Variants in ZNF763 observed in about 807,000 individuals in gnomAD.
The protein encoded by ZNF763 is zinc finger protein 763, also known as DNA-binding protein.
Under a neutral mutation model 38.0 loss-of-function variants are expected in ZNF763, and 33 were observed. The ratio of observed to expected loss-of-function variants is 0.87; its 90% CI spans 0.66 to 1.16. ZNF763 has a LOEUF of 1.16. Among genes scored for constraint, ZNF763 ranks in the 50% most tolerant of loss-of-function variants. The pLI is 0.00. For missense variants in ZNF763, 423 were observed against 469.1 expected (o/e 0.90, Z 0.91); for synonymous variants, 155 against 160.1 (o/e 0.97, Z 0.24).
intron 1 of ZNF763, among the ~76,000 whole-genome samples, chr19:11,970,192 A>G (rs1973322422): frequency 1.3e-5 from 2 of 152,234 alleles, no homozygotes; most frequent in Admixed American, 1.3e-4. Flanking sequence ...TAATGAGGAA[A>G]AACAGAGATG....
chr19:11,979,560 G>A lies in ZNF763; in HGVS notation c.*451G>A. The A allele has an allele frequency of 6.2e-7, 1 of 1,603,838 alleles. No homozygotes were observed. The highest frequency in any genetic ancestry group is 1.7e-4 in the Middle Eastern group (1 of 6,018). On this transcript the variant is annotated 3_prime_UTR_variant, in exon 4 of 4. Transcript: ENST00000358987. Reference sequence around the variant, plus strand: ...AAACCCTATGAATGCAAGCAATGTGGTAAAGCCTTCAGTAGTTCCAGTTCC... The same window carrying A: ...AAACCCTATGAATGCAAGCAATGTGATAAAGCCTTCAGTAGTTCCAGTTCC...
At chr19:11,967,604 C>T (rs1048549194) in intron 1 of ZNF763, among the ~76,000 whole-genome samples, 41 of 152,068 alleles carry the variant, frequency 2.7e-4, no homozygotes, top group African/African-American at 7.5e-4. Context: ...GGGGTTTCAC[C>T]GTGTTAGCCA....
At position 11,970,964 on chromosome 19, in the gene ZNF763, C is replaced by T. The variant is rs559882111; in HGVS notation, c.3+5753C>T. Among the ~76,000 whole-genome samples, 8 of 152,128 alleles carry T rather than the reference C, an allele frequency of 5.3e-5. No individual in the cohort carries two copies. The East Asian group carries it at 1.4e-3, about 26-fold the overall frequency. On this transcript the variant is annotated intron_variant, in intron 1 of 3. Transcript: ENST00000358987. ...AAAAAAAAAACTAAAAAACTAGATGCCCTGGTCTCACAATTTGCTGTTTTC... is the reference window on the plus strand; with the variant it reads ...AAAAAAAAAACTAAAAAACTAGATGTCCTGGTCTCACAATTTGCTGTTTTC...
intron 1 of ZNF763, among the ~76,000 whole-genome samples, chr19:11,966,326 C>T (rs1027367471): frequency 6.6e-6 from 1 of 152,118 alleles, no homozygotes; most frequent in Non-Finnish European, 1.5e-5. Context: ...TTTGGGGGTT[C>T]CCTTGGCCAA....
rs941905039 is a variant in ZNF763, at chr19:11,979,720, G to T, written c.*611G>T. Reference sequence around the variant, plus strand: ...CTGAAGAGAAGCCCTACGAGTGTAAGCAATGTGGGAAAGCCTTCAGATCTG... The same window carrying T: ...CTGAAGAGAAGCCCTACGAGTGTAATCAATGTGGGAAAGCCTTCAGATCTG... On this transcript the variant is annotated 3_prime_UTR_variant, in exon 4 of 4. Transcript: ENST00000358987. The T allele has an allele frequency of 5.6e-6, 9 of 1,599,354 alleles. No individual in the cohort carries two copies. In the African/African-American group the frequency reaches 6.7e-5, roughly 12 times the overall value.
chr19:11,965,261 A>G, intron 1 of ZNF763, 50 bp downstream of exon 1: 1 of 1,611,912 alleles, frequency 6.2e-7, no homozygotes, highest in Non-Finnish European at 8.5e-7. Flanking sequence ...GCTGCCTGGA[A>G]CCGGCCGGAA....
rs570541703 is a variant in ZNF763 at position 11,979,791 on chromosome 19, C to A, written c.*682C>A. 7.6e-5 allele frequency: 120 copies of A among 1,577,496 alleles called. No homozygotes were observed. In the African/African-American group the frequency reaches 1.1e-3, roughly 14 times the overall value. ...GGTAGAACTCACACTGGAGAGAAACCCTATGAGTGTAAGGAATGTGGGAAA... is the reference window on the plus strand; with the variant it reads ...GGTAGAACTCACACTGGAGAGAAACACTATGAGTGTAAGGAATGTGGGAAA... On this transcript the variant is annotated 3_prime_UTR_variant, in exon 4 of 4. Coordinates refer to ENST00000358987, the MANE Select transcript of ZNF763 (RefSeq NM_001367172.2).
At chr19:11,977,520 C>G (rs548026317) in intron 3 of ZNF763, 89 bp downstream of exon 3, 1 of 1,465,542 alleles carries the variant, frequency 6.8e-7, no homozygotes, top group Non-Finnish European at 9.4e-7. Flanking sequence ...AGAACTAAGT[C>G]CAGTATCAAA....
intron 3 of ZNF763, 70 bp downstream of exon 3, chr19:11,977,501 G>C (rs766792721): frequency 1.3e-5 from 20 of 1,544,144 alleles, no homozygotes; most frequent in Non-Finnish European, 1.8e-5. Context: ...TTGAAGAGAA[G>C]TAAAACAAAG....
At chr19:11,973,189 TC>T (rs1973385979) in intron 1 of ZNF763, among the ~76,000 whole-genome samples, 1 of 152,064 alleles carries the variant, frequency 6.6e-6, no homozygotes. Flanking sequence ...ATTCTATCTC[TC>T]CCCTCCCTCT....
At chr19:11,976,546 ACT>A (rs1879972643) in intron 1 of ZNF763, among the ~76,000 whole-genome samples, 1 of 120,048 alleles carries the variant, frequency 8.3e-6, no homozygotes. Flanking sequence ...GCAGAACAAG[ACT>A]CTGTCTCAAA....
rs954145452 is a variant in ZNF763, at chr19:11,980,205, C to G, written c.*1096C>G. 2.4e-5 allele frequency: 11 copies of G among 461,182 alleles called. No individual in the cohort carries two copies. The East Asian group carries it at 5.8e-4, about 24-fold the overall frequency. The allele number at this position is 461,182 out of a possible 1,614,324, so 28.6% of individuals were successfully genotyped here. A position where few individuals can be genotyped will look rare whatever the true frequency, so the allele number is the denominator to read the frequency against. On this transcript the variant is annotated 3_prime_UTR_variant, in exon 4 of 4. Coordinates refer to ENST00000358987, the MANE Select transcript of ZNF763 (RefSeq NM_001367172.2). The stretch of plus-strand genomic sequence containing the variant: ...GACTGGCCTGATCAATATGATGAAA[C>G]CCCTGTCTCTACTAAAACTACAAAA...
At chr19:11,975,096 T>C (rs937870290) in intron 1 of ZNF763, among the ~76,000 whole-genome samples, 2 of 152,088 alleles carry the variant, frequency 1.3e-5, no homozygotes, top group Admixed American at 1.3e-4. Flanking sequence ...GATGTTATTT[T>C]CTTTTTTTTT....
At chr19:11,974,007 C>T (rs888444178) in intron 1 of ZNF763, among the ~76,000 whole-genome samples, 1 of 152,086 alleles carries the variant, frequency 6.6e-6, no homozygotes, top group Non-Finnish European at 1.5e-5. Flanking sequence ...GGGATTTAGG[C>T]TACCCCACCA....
intron 1 of ZNF763, among the ~76,000 whole-genome samples, chr19:11,966,174 G>A (rs1043787532): frequency 6.6e-6 from 1 of 152,276 alleles, no homozygotes; most frequent in Middle Eastern, 3.4e-3. Context: ...GCCACAAGGA[G>A]TCTGTTTTTC....
chr19:11,977,322 T>G (rs1973516450), intron 2 of ZNF763, 49 bp from the exon 3 acceptor site: 1 of 1,605,746 alleles, frequency 6.2e-7, no homozygotes, highest in Non-Finnish European at 8.5e-7. Context: ...AATAATTTTT[T>G]CACAGTTTTA....
intron 1 of ZNF763, among the ~76,000 whole-genome samples, chr19:11,975,168 A>G (rs2547464): frequency 0.18 from 27,652 of 150,246 alleles, 5,474 homozygotes; most frequent in African/African-American, 0.51. Flanking sequence ...GTGGAATGTC[A>G]GCTCACCACA....
rs551536153 is a variant in ZNF763 at position 11,978,949 on chromosome 19, G to A, written c.1025G>A (p.Cys342Tyr). The change falls in exon 4 of 4, where the codon TGT (cysteine) becomes TAT (tyrosine). Residue 342 changes from cysteine (C) to tyrosine (Y), a missense_variant. Cys to Tyr is a radical substitution (Grantham distance 194, BLOSUM62 -2). Transcript: ENST00000358987. The part of the protein sequence containing the change: ...RSHTGEKPYQ[C>Y]KECRKAFTYP... ...CACACGGGAGAGAAGCCTTATCAAT[G>A]TAAGGAATGTAGAAAAGCATTCACG... 8.0e-4 allele frequency: 1,295 copies of A among 1,614,196 alleles called. 22 individuals carry two copies. The South Asian group carries it at 0.014, about 17-fold the overall frequency.
intron 1 of ZNF763, among the ~76,000 whole-genome samples, chr19:11,972,851 G>A (rs1276937986): frequency 6.6e-6 from 1 of 151,836 alleles, no homozygotes; most frequent in African/African-American, 2.4e-5. Context: ...TACCACTTAG[G>A]GAGGCTGAAG....
Sources: gnomAD v4.1 joint callset for allele counts (sites outside exome capture counted in the v4.1 genomes callset) on GRCh38, gnomAD v4.1.1 for gene constraint, MANE v1.5 for transcripts, NCBI Gene and HGNC (gene_info 2026-07-23, HGNC 2026-07-21) for gene names.